Variants in BLTP3B observed in about 807,000 individuals in gnomAD.
The protein encoded by BLTP3B is UHRF1 (ICBP90) binding protein 1-like.
At chr12:100,053,418 A>G in the BLTP3B span, among the ~76,000 whole-genome samples, 1 of 152,036 alleles carries the variant, frequency 6.6e-6, no homozygotes, top group South Asian at 2.1e-4. Flanking sequence ...AAAAATATAT[A>G]TATTTTTTGG....
chr12:100,135,181 A>C, the BLTP3B span, among the ~76,000 whole-genome samples: 4 of 152,138 alleles, frequency 2.6e-5, no homozygotes, highest in South Asian at 8.3e-4. Flanking sequence ...GTATGTTTTC[A>C]AAATATCAAA....
At chr12:100,053,308 G>A in the BLTP3B span, among the ~76,000 whole-genome samples, 137 of 145,612 alleles carry the variant, frequency 9.4e-4, 2 homozygotes, top group Non-Finnish European at 2.6e-4. Flanking sequence ...AGGAGGCTGA[G>A]GAGGCAGGAG....
chr12:100,062,689 T>C, the BLTP3B span, among the ~76,000 whole-genome samples: 1 of 152,014 alleles, frequency 6.6e-6, no homozygotes, highest in Non-Finnish European at 1.5e-5. Context: ...TGGCTGGGAG[T>C]GTTGTCTCAT....
chr12:100,049,643 GAATT>G, the BLTP3B span, among the ~76,000 whole-genome samples: 4 of 151,954 alleles, frequency 2.6e-5, no homozygotes, highest in South Asian at 2.1e-4. Context: ...TAACTCCAAA[GAATT>G]ATTTAAATAT....
chr12:100,093,077 C>G, the BLTP3B span: 98 of 481,156 alleles, frequency 2.0e-4, no homozygotes, highest in South Asian at 3.1e-3. Context: ...ATACATTATA[C>G]AACATGTTTC....
the BLTP3B span, chr12:100,051,434 G>A: frequency 2.4e-6 from 1 of 410,302 alleles, no homozygotes; most frequent in Non-Finnish European, 4.2e-6. Context: ...TGTGGTAAAA[G>A]ACAATTTTTT....
At chr12:100,095,844 G>C in the BLTP3B span, 34 of 1,547,330 alleles carry the variant, frequency 2.2e-5, no homozygotes, top group South Asian at 2.0e-4. Flanking sequence ...TTAACTGTAG[G>C]AAAAAAAAAT....
the BLTP3B span, among the ~76,000 whole-genome samples, chr12:100,092,044 A>G: frequency 3.3e-5 from 5 of 151,184 alleles, no homozygotes; most frequent in Admixed American, 2.6e-4. Flanking sequence ...TCTGACCTCA[A>G]AAGATCCGCC....
At chr12:100,049,441 G>GC in the BLTP3B span, among the ~76,000 whole-genome samples, 1 of 152,092 alleles carries the variant, frequency 6.6e-6, no homozygotes, top group African/African-American at 2.4e-5. Context: ...TCAAATATAT[G>GC]CATGTGTGTG....
chr12:100,122,522 G>T, the BLTP3B span, among the ~76,000 whole-genome samples: 1 of 152,100 alleles, frequency 6.6e-6, no homozygotes, highest in Non-Finnish European at 1.5e-5. Context: ...GCAATATATG[G>T]CAACTCTTAC....
chr12:100,109,414 A>G, the BLTP3B span, among the ~76,000 whole-genome samples: 2 of 152,160 alleles, frequency 1.3e-5, no homozygotes, highest in Non-Finnish European at 2.9e-5. Context: ...ACAGTCAACA[A>G]TAATTTATTG....
chr12:100,137,181 CAA>C, the BLTP3B span, among the ~76,000 whole-genome samples: 1 of 152,210 alleles, frequency 6.6e-6, no homozygotes, highest in African/African-American at 2.4e-5. Context: ...CAGTTTCAGA[CAA>C]AATCTCCAAC....
the BLTP3B span, among the ~76,000 whole-genome samples, chr12:100,086,727 C>A: frequency 6.6e-6 from 1 of 152,094 alleles, no homozygotes; most frequent in Non-Finnish European, 1.5e-5. Flanking sequence ...TTGATAGGTA[C>A]AATCATTATT....
chr12:100,066,613 G>A, the BLTP3B span, among the ~76,000 whole-genome samples: 1 of 149,992 alleles, frequency 6.7e-6, no homozygotes, highest in African/African-American at 2.5e-5. Flanking sequence ...CTAACACGGT[G>A]AAACCCTGTC....
At chr12:100,070,347 C>T in the BLTP3B span, among the ~76,000 whole-genome samples, 1 of 151,096 alleles carries the variant, frequency 6.6e-6, no homozygotes, top group Non-Finnish European at 1.5e-5. Context: ...AGTGCAATGG[C>T]ATGATCCCAG....
At chr12:100,083,980 A>G in the BLTP3B span, among the ~76,000 whole-genome samples, 54,150 of 151,866 alleles carry the variant, frequency 0.36, 12,847 homozygotes, top group African/African-American at 0.68. Context: ...CTTGAGGTCC[A>G]GAGTTTGAGA....
At chr12:100,076,316 T>A in the BLTP3B span, among the ~76,000 whole-genome samples, 1,166 of 152,048 alleles carry the variant, frequency 7.7e-3, 13 homozygotes, top group African/African-American at 0.027. Context: ...GACGTGTATA[T>A]GTCTCATATG....
At chr12:100,087,207 T>C in the BLTP3B span, among the ~76,000 whole-genome samples, 3 of 148,630 alleles carry the variant, frequency 2.0e-5, no homozygotes, top group Admixed American at 2.0e-4. Context: ...TCTGTTAGGT[T>C]AGGTAAGTTG....
the BLTP3B span, chr12:100,051,482 A>G: frequency 6.8e-6 from 2 of 292,156 alleles, no homozygotes; most frequent in Non-Finnish European, 1.2e-5. Flanking sequence ...ATACTTTTAA[A>G]AAATGCCATA....
Sources: gnomAD v4.1 joint callset for allele counts (sites outside exome capture counted in the v4.1 genomes callset) on GRCh38, gnomAD v4.1.1 for gene constraint, MANE v1.5 for transcripts, NCBI Gene and HGNC (gene_info 2026-07-23, HGNC 2026-07-21) for gene names.